FMN1: variants seen among roughly 807,000 people sequenced by gnomAD.
FMN1 encodes the protein formin 1.
A neutral mutation model predicts 132.4 loss-of-function variants in FMN1; 110 were observed. That is an observed-to-expected ratio of 0.83 (90% CI 0.71 to 0.97). The LOEUF (loss-of-function observed/expected upper bound fraction) is 0.97, where lower values mean the gene tolerates loss of function less well. FMN1 is among the 50% of genes least tolerant of loss of function. FMN1 has a pLI of 0.00. For missense variants in FMN1, 1,792 were observed against 1,705.3 expected (o/e 1.05, Z -0.90); for synonymous variants, 722 against 651.7 (o/e 1.11, Z -1.64).
intron 15 of FMN1, among the ~76,000 whole-genome samples, chr15:32,894,932 C>T (rs546647129): frequency 6.6e-6 from 1 of 152,114 alleles, no homozygotes; most frequent in African/African-American, 2.4e-5. Flanking sequence ...AAAAGCAGAT[C>T]AAAATTATTT....
intron 12 of FMN1, among the ~76,000 whole-genome samples, chr15:32,906,255 G>C (rs2060422373): frequency 6.6e-6 from 1 of 152,122 alleles, no homozygotes; most frequent in African/African-American, 2.4e-5. Flanking sequence ...GCCAAAACCA[G>C]GCCACCACTT....
At chr15:33,163,956 G>A (rs868559928) in intron 3 of FMN1, among the ~76,000 whole-genome samples, 47 of 152,178 alleles carry the variant, frequency 3.1e-4, no homozygotes, top group African/African-American at 9.9e-4. Flanking sequence ...ACAGAAGTAT[G>A]TTTTCAGTTT....
intron 3 of FMN1, among the ~76,000 whole-genome samples, chr15:33,177,494 T>C (rs1025541479): frequency 6.6e-6 from 1 of 152,214 alleles, no homozygotes; most frequent in African/African-American, 2.4e-5. Context: ...TGCACCTCAG[T>C]GTCCTCATCT....
chr15:32,873,982 C>T (rs17816477), intron 16 of FMN1, among the ~76,000 whole-genome samples: 80,981 of 149,370 alleles, frequency 0.54, 22,254 homozygotes, highest in African/African-American at 0.61. Context: ...TTAATGAATA[C>T]GCCATTGGTT....
At position 32,936,677 on chromosome 15, in the gene FMN1, GAGAA is replaced by G. The variant is rs1195678565; in HGVS notation, c.3139-10420_3139-10417del. Among the ~76,000 whole-genome samples the G allele has an allele frequency of 1.8e-4, 28 of 151,936 alleles. No individual in the cohort carries two copies. The East Asian group carries it at 5.2e-3, about 28-fold the overall frequency. ...GTGGGAGGAAGAGGAGAAGGAGGAG[GAGAA>G]AGAAGGAAGGAAGGAGAAGAAAGAA... On this transcript the variant is annotated intron_variant, in intron 9 of 20. Transcript: ENST00000616417.
chr15:32,888,384 T>C, intron 15 of FMN1, 92 bp from the exon 16 acceptor site: 2 of 1,181,868 alleles, frequency 1.7e-6, no homozygotes, highest in African/African-American at 3.0e-5. Context: ...AAAAAAGCTT[T>C]TTTATTGGAT....
intron 14 of FMN1, chr15:32,899,747 A>G: frequency 1.8e-6 from 1 of 569,326 alleles, no homozygotes; most frequent in Non-Finnish European, 3.1e-6. Context: ...AGAGCACACG[A>G]AGATGGGAAT....
At chr15:32,866,802 C>G (rs1226404553) in intron 16 of FMN1, among the ~76,000 whole-genome samples, 1 of 152,194 alleles carries the variant, frequency 6.6e-6, no homozygotes, top group African/African-American at 2.4e-5. Context: ...GACAACCCAG[C>G]AGGATTCTGC....
intron 17 of FMN1, among the ~76,000 whole-genome samples, chr15:32,836,620 T>C (rs2058633410): frequency 6.6e-6 from 1 of 152,232 alleles, no homozygotes; most frequent in African/African-American, 2.4e-5. Flanking sequence ...TAAATGAATG[T>C]AAAACTTTCC....
At chr15:33,174,295 G>A (rs1401379484) in intron 3 of FMN1, among the ~76,000 whole-genome samples, 2 of 152,128 alleles carry the variant, frequency 1.3e-5, no homozygotes, top group African/African-American at 4.8e-5. Flanking sequence ...CTAATTGACA[G>A]AAATTCTAAG....
At chr15:32,988,230 C>T (rs1452834651) in intron 7 of FMN1, among the ~76,000 whole-genome samples, 1 of 151,930 alleles carries the variant, frequency 6.6e-6, no homozygotes, top group Non-Finnish European at 1.5e-5. Flanking sequence ...AATAATCTAC[C>T]AAGCTCCTAT....
At chr15:33,004,958 A>G (rs564219558) in intron 7 of FMN1, among the ~76,000 whole-genome samples, 13 of 152,272 alleles carry the variant, frequency 8.5e-5, no homozygotes, top group African/African-American at 2.9e-4. Flanking sequence ...CAAACACCGT[A>G]TGTTCTCACT....
chr15:32,979,489 G>A (rs1392303064), intron 7 of FMN1, among the ~76,000 whole-genome samples: 1 of 149,666 alleles, frequency 6.7e-6, no homozygotes, highest in Non-Finnish European at 1.5e-5. Context: ...CCGGGAGGCG[G>A]AGCTTGTAGT....
chr15:33,106,606 C>T (rs1463875710), intron 4 of FMN1, among the ~76,000 whole-genome samples: 1 of 152,078 alleles, frequency 6.6e-6, no homozygotes, highest in African/African-American at 2.4e-5. Context: ...TCACTGTTCA[C>T]TCTTCAGTTG....
chr15:32,900,944 T>G (rs574984662), intron 13 of FMN1, among the ~76,000 whole-genome samples: 17 of 152,168 alleles, frequency 1.1e-4, no homozygotes, highest in African/African-American at 4.1e-4. Flanking sequence ...GCCTGAGGTC[T>G]GGAGTTCAAG....
chr15:32,850,669 A>G (rs1376225225), intron 17 of FMN1, among the ~76,000 whole-genome samples: 1 of 152,232 alleles, frequency 6.6e-6, no homozygotes, highest in Non-Finnish European at 1.5e-5. Flanking sequence ...GTGAGTGAAC[A>G]GGACAAAACA....
intron 9 of FMN1, among the ~76,000 whole-genome samples, chr15:32,941,915 G>C (rs1307216607): frequency 6.6e-6 from 1 of 152,128 alleles, no homozygotes; most frequent in East Asian, 1.9e-4. Context: ...GCCCTATCTA[G>C]AGTCAGCTGA....
intron 4 of FMN1, among the ~76,000 whole-genome samples, chr15:33,148,082 TA>T (rs1211430461): frequency 6.6e-6 from 1 of 151,956 alleles, no homozygotes; most frequent in Non-Finnish European, 1.5e-5. Context: ...GAGAAAGAAA[TA>T]AAACACTGTA....
chr15:32,926,661 T>C (rs919962729), intron 9 of FMN1, among the ~76,000 whole-genome samples: 2 of 152,200 alleles, frequency 1.3e-5, no homozygotes, highest in Admixed American at 1.3e-4. Context: ...TTTTTAGTAA[T>C]GTCATCTTCT....
Sources: gnomAD v4.1 joint callset for allele counts (sites outside exome capture counted in the v4.1 genomes callset) on GRCh38, gnomAD v4.1.1 for gene constraint, MANE v1.5 for transcripts, NCBI Gene and HGNC (gene_info 2026-07-23, HGNC 2026-07-21) for gene names.